ADGRF3: variants seen among roughly 807,000 people sequenced by gnomAD.
ADGRF3 encodes the protein adhesion G protein-coupled receptor F3, also known as G protein-coupled receptor 113.
ADGRF3 carries 85 observed loss-of-function variants against 93.2 expected under a neutral mutation model. The ratio of observed to expected loss-of-function variants is 0.91; its 90% CI spans 0.77 to 1.09. ADGRF3 has a LOEUF of 1.09. Among genes scored for constraint, ADGRF3 ranks in the 50% least tolerant of loss-of-function variants. The probability of loss-of-function intolerance (pLI) is 0.00; values close to 1 mark genes in which losing one functional copy is unlikely to be tolerated. For missense variants in ADGRF3, 1,125 were observed against 1,246.2 expected (o/e 0.90, Z 1.46); for synonymous variants, 534 against 532.5 (o/e 1.00, Z -0.04).
chr2:26,318,262 C>G (rs1166918918), intron 1 of ADGRF3: 6 of 598,578 alleles, frequency 1.0e-5, no homozygotes, highest in Non-Finnish European at 1.8e-5. Context: ...GGATATCTAT[C>G]CAAAACCAGA....
intron 1 of ADGRF3, among the ~76,000 whole-genome samples, chr2:26,339,676 T>G (rs1676261596): frequency 6.6e-6 from 1 of 152,196 alleles, no homozygotes; most frequent in Admixed American, 6.5e-5. Context: ...TATACTCCCT[T>G]CACATTTATC....
In ADGRF3 at chr2:26,310,835, G is replaced by A. The variant is rs370613094; in HGVS notation, c.2689C>T (p.Arg897Cys). 36 of 1,613,304 alleles carry A rather than the reference G, an allele frequency of 2.2e-5. No individual in the cohort carries two copies. The highest frequency in any genetic ancestry group is 6.7e-5 in the African/African-American group (5 of 75,008). Residue 897 changes from arginine to cysteine, a missense_variant, in exon 10 of 14, where the codon CGC becomes TGC. Coordinates refer to ENST00000651242, the MANE Select transcript of ADGRF3 (RefSeq NM_001321971.2). ...SLSEGPPAEK[R>C]QALLGVIKAL... ...TTGATCACCCCCAGCAGAGCTTGGCGCTTCTCTGCTGGGGGTCCCTCTGAC... is the reference window on the plus strand; with the variant it reads ...TTGATCACCCCCAGCAGAGCTTGGCACTTCTCTGCTGGGGGTCCCTCTGAC...
Position 26,311,319 on chromosome 2 carries a change from C to A in ADGRF3, c.2205G>T (p.Lys735Asn). 6.2e-7 allele frequency: 1 copy of A among 1,613,946 alleles called. No homozygotes were observed. The highest frequency in any genetic ancestry group is 8.5e-7 in the Non-Finnish European group (1 of 1,179,894). ...GGGCGGCGTGGCGGAAATAGGAGATCTTGTTCCGCACCACGACTCTCCACA... is the reference window on the plus strand; with the variant it reads ...GGGCGGCGTGGCGGAAATAGGAGATATTGTTCCGCACCACGACTCTCCACA... ...WLVWRVVVRN[K>N]ISYFRHAALL... The change falls in exon 10 of 14, where the codon AAG (lysine) becomes AAT (asparagine). Residue 735 changes from lysine (K) to asparagine (N), a missense_variant. Transcript: ENST00000651242.
In ADGRF3 at chr2:26,313,534, G is replaced by T. The variant is rs1196488593; in HGVS notation, c.1112C>A (p.Thr371Asn). Residue 371 changes from threonine to asparagine, a missense_variant, in exon 8 of 14, where the codon ACC becomes AAC. Transcript: ENST00000651242. ...GTGGCCAGCCTTGGTGACATTCCAG[G>T]TGAGCACCGAGGCGTCCTCAGGGCA... The part of the protein sequence containing the change: ...ITCPEDASVL[T>N]WNVTKAGHVA... The T allele has an allele frequency of 6.2e-7, 1 of 1,610,746 alleles. No individual in the cohort carries two copies. Among genetic ancestry groups the T allele is most frequent in the Admixed American group, 1.7e-5 (1 of 59,840 alleles).
At chr2:26,319,618 T>TTCCTTCCTTC (rs1558391141) in intron 1 of ADGRF3, among the ~76,000 whole-genome samples, 57 of 48,750 alleles carry the variant, frequency 1.2e-3, no homozygotes, top group African/African-American at 2.0e-3. Context: ...TTCCTTCCTT[T>TTCCTTCCTTC]CTTTCTTTGT....
chr2:26,345,952 A>G (rs1211703507), intron 1 of ADGRF3, 169 bp downstream of exon 1: 11 of 647,506 alleles, frequency 1.7e-5, no homozygotes, highest in Middle Eastern at 4.2e-4. Flanking sequence ...GTGTTGCCTG[A>G]TCCACGCCGA....
intron 1 of ADGRF3, among the ~76,000 whole-genome samples, chr2:26,344,494 C>T (rs1203823985): frequency 2.0e-5 from 3 of 152,128 alleles, no homozygotes; most frequent in Admixed American, 6.5e-5. Context: ...CACAGCATAT[C>T]AAAGAGATCT....
chr2:26,343,804 A>G (rs1269727542), intron 1 of ADGRF3, among the ~76,000 whole-genome samples: 1 of 152,214 alleles, frequency 6.6e-6, no homozygotes, highest in East Asian at 1.9e-4. Flanking sequence ...CTGAGATTAC[A>G]CAGCCAGTAA....
chr2:26,331,990 T>G lies in ADGRF3; in HGVS notation c.114+14131A>C, dbSNP rs527610281. Among the ~76,000 whole-genome samples the G allele has an allele frequency of 9.8e-5, 15 of 152,360 alleles. No individual in the cohort carries two copies. The South Asian group carries it at 3.1e-3, about 32-fold the overall frequency. ...ATTTCCCTGTTTTGAGTTAATTTCT[T>G]TTTATAATTATCTCATTTGAACTCC... On this transcript the variant is annotated intron_variant, in intron 1 of 13. Transcript: ENST00000651242.
At chr2:26,323,046 T>A (rs943680544) in intron 1 of ADGRF3, among the ~76,000 whole-genome samples, 4 of 152,004 alleles carry the variant, frequency 2.6e-5, no homozygotes, top group African/African-American at 9.7e-5. Context: ...GACGGAGGCA[T>A]GAGAATCACT....
Position 26,311,249 on chromosome 2 carries a change from G to A in ADGRF3, c.2275C>T (p.Leu759=). The A allele has an allele frequency of 6.2e-7, 1 of 1,611,724 alleles. No homozygotes were observed. Among genetic ancestry groups the A allele is most frequent in the East Asian group, 2.2e-5 (1 of 44,768 alleles). The change falls in exon 10 of 14, where the codon CTG becomes TTG. Residue 759 remains leucine (L), a synonymous_variant. Transcript: ENST00000651242. ...FCLLAADTCF[L]GAPFLSPGPR... is the part of the protein sequence containing the mutation. ...CCTGGAGAGAGGAATGGGGCGCCCA[G>A]GAAGCAAGTGTCTGCGGCCAGCAAG...
At chr2:26,313,633 G>A in intron 7 of ADGRF3, 60 bp from the exon 8 acceptor site, 1 of 1,567,452 alleles carries the variant, frequency 6.4e-7, no homozygotes, top group Non-Finnish European at 8.6e-7. Context: ...CCTCTCCTTG[G>A]GCAGAACCCT....
chr2:26,326,789 T>C (rs1675457367), intron 1 of ADGRF3, among the ~76,000 whole-genome samples: 1 of 152,152 alleles, frequency 6.6e-6, no homozygotes, highest in Non-Finnish European at 1.5e-5. Flanking sequence ...TCTTTTTTCT[T>C]TGAGATGGAG....
intron 1 of ADGRF3, among the ~76,000 whole-genome samples, chr2:26,343,069 G>A (rs1002215946): frequency 6.6e-6 from 1 of 152,146 alleles, no homozygotes; most frequent in African/African-American, 2.4e-5. Flanking sequence ...GACTGGCAGC[G>A]CGGTAGGTTT....
intron 5 of ADGRF3, 108 bp downstream of exon 5, chr2:26,315,414 G>A (rs953700687): frequency 1.4e-5 from 16 of 1,156,426 alleles, no homozygotes; most frequent in Non-Finnish European, 1.9e-5. Flanking sequence ...GGAAGGAGAA[G>A]GGAGGGAGGC....
At chr2:26,310,423 C>A (rs1673972587) in intron 10 of ADGRF3, among the ~76,000 whole-genome samples, 186 bp from the exon 11 acceptor site, 1 of 152,284 alleles carries the variant, frequency 6.6e-6, no homozygotes, top group African/African-American at 2.4e-5. Context: ...AAAGGGATAG[C>A]AAAGGATTGG....
intron 9 of ADGRF3, among the ~76,000 whole-genome samples, chr2:26,312,377 G>A (rs1209667828): frequency 6.6e-6 from 1 of 152,184 alleles, no homozygotes; most frequent in Non-Finnish European, 1.5e-5. Context: ...TTCTAAGAGG[G>A]GACTTCTCCC....
At chr2:26,325,651 T>C (rs564424199) in intron 1 of ADGRF3, among the ~76,000 whole-genome samples, 1 of 152,322 alleles carries the variant, frequency 6.6e-6, no homozygotes, top group South Asian at 2.1e-4. Flanking sequence ...GCTGACCTTA[T>C]ATACAAATAA....
At chr2:26,321,845 G>A (rs1474994676) in intron 1 of ADGRF3, among the ~76,000 whole-genome samples, 1 of 151,668 alleles carries the variant, frequency 6.6e-6, no homozygotes, top group East Asian at 1.9e-4. Flanking sequence ...TTGGTGGTGT[G>A]CCCCTGTAAT....
Sources: allele counts gnomAD v4.1 joint callset (sites outside exome capture counted in the v4.1 genomes callset), GRCh38; gene constraint gnomAD v4.1.1; transcripts MANE v1.5; gene names NCBI Gene and HGNC (gene_info 2026-07-23, HGNC 2026-07-21).